Variants in EXOC4 observed in about 807,000 individuals in gnomAD.
EXOC4 encodes exocyst complex component 4.
EXOC4 carries 71 observed loss-of-function variants against 107.2 expected under a neutral mutation model. That is an observed-to-expected ratio of 0.66 (90% CI 0.55 to 0.81). The LOEUF (loss-of-function observed/expected upper bound fraction) is 0.81, where lower values mean the gene tolerates loss of function less well. Ranked by LOEUF, EXOC4 falls within the 30% of genes least tolerant of loss-of-function variation. The pLI is 0.00. For missense variants in EXOC4, 1,108 were observed against 1,189.6 expected (o/e 0.93, Z 1.01); for synonymous variants, 456 against 441.2 (o/e 1.03, Z -0.42).
At position 133,884,627 on chromosome 7, in the gene EXOC4, G is replaced by A. The variant is rs144644412; in HGVS notation, c.1735-10972G>A. Among the ~76,000 whole-genome samples the A allele has an allele frequency of 2.4e-3, 358 of 151,806 alleles. 2 individuals carry two copies. The highest frequency in any genetic ancestry group is 7.9e-3 in the African/African-American group (325 of 41,372). On this transcript the variant is annotated intron_variant, in intron 11 of 17. Coordinates refer to ENST00000253861, the MANE Select transcript of EXOC4 (RefSeq NM_021807.4). ...TGTGTGTGTGTGTGTGTGTGCGCGCGTGTGTGATGGTGCTGGAGATGTGTG... is the reference window on the plus strand; with the variant it reads ...TGTGTGTGTGTGTGTGTGTGCGCGCATGTGTGATGGTGCTGGAGATGTGTG...
chr7:133,919,038 T>C (rs1799875859), intron 13 of EXOC4, among the ~76,000 whole-genome samples: 1 of 152,214 alleles, frequency 6.6e-6, no homozygotes, highest in South Asian at 2.1e-4. Context: ...CTTTTTATTA[T>C]GAAAATTTTC....
rs1176724589 is a variant in EXOC4, at chr7:133,789,324, A to G, written c.1515-28001A>G. On this transcript the variant is annotated intron_variant, in intron 10 of 17. Transcript: ENST00000253861. ...GAGGAAAAGATTACAGCCACACAGA[A>G]GCTCTCCATTTAGTGCGACTTTGCA... is the stretch of plus-strand genomic sequence containing the variant. 3.3e-5 allele frequency among the ~76,000 whole-genome samples: 5 copies of G among 152,180 alleles called. 1 individual carries two copies. Among genetic ancestry groups the G allele is most frequent in the African/African-American group, 1.2e-4 (5 of 41,436 alleles).
At chr7:133,281,305 T>TAAAC (rs1794132785) in intron 2 of EXOC4, among the ~76,000 whole-genome samples, 1 of 133,352 alleles carries the variant, frequency 7.5e-6, no homozygotes, top group Non-Finnish European at 1.6e-5. Context: ...AATAAATAAA[T>TAAAC]AAATAAAAAG....
intron 10 of EXOC4, among the ~76,000 whole-genome samples, chr7:133,669,260 G>A (rs568584773): frequency 1.3e-5 from 2 of 152,132 alleles, no homozygotes; most frequent in East Asian, 2.0e-4. Context: ...AGGAGGAGCC[G>A]CGGGATGTAA....
chr7:133,502,313 A>G (rs556459242), intron 9 of EXOC4, among the ~76,000 whole-genome samples: 1 of 152,302 alleles, frequency 6.6e-6, no homozygotes, highest in South Asian at 2.1e-4. Flanking sequence ...GCTATGCACA[A>G]TATCTGTTGT....
chr7:133,270,523 G>C (rs964369829), intron 1 of EXOC4, among the ~76,000 whole-genome samples: 4 of 152,068 alleles, frequency 2.6e-5, no homozygotes, highest in Non-Finnish European at 5.9e-5. Context: ...AAGAACTATT[G>C]AAAGTCCTTT....
chr7:133,883,488 A>G (rs1249513577), intron 11 of EXOC4, among the ~76,000 whole-genome samples: 6 of 151,726 alleles, frequency 4.0e-5, no homozygotes, highest in African/African-American at 1.5e-4. Context: ...CAAAAAAAAA[A>G]AAAAAATAGC....
At chr7:133,697,954 A>G (rs1043493258) in intron 10 of EXOC4, among the ~76,000 whole-genome samples, 1 of 152,202 alleles carries the variant, frequency 6.6e-6, no homozygotes, top group African/African-American at 2.4e-5. Context: ...GACTCAGAGG[A>G]GGCTGGCTCA....
chr7:133,676,927 C>CTGTGTGTGTGTGTGTG (rs559035446), intron 10 of EXOC4, among the ~76,000 whole-genome samples: 32 of 124,712 alleles, frequency 2.6e-4, no homozygotes, highest in East Asian at 2.0e-3. Context: ...GTAGTAAACT[C>CTGTGTGTGTGTGTGTG]TGTGTGTGTG....
chr7:133,857,200 A>ATT (rs1223401816), intron 11 of EXOC4, among the ~76,000 whole-genome samples: 2 of 26,390 alleles, frequency 7.6e-5, no homozygotes, highest in South Asian at 1.1e-3. Flanking sequence ...ATATATATAT[A>ATT]TTTTACCTCT....
chr7:133,779,402 G>A (rs915335770), intron 10 of EXOC4, among the ~76,000 whole-genome samples: 1 of 152,164 alleles, frequency 6.6e-6, no homozygotes, highest in Non-Finnish European at 1.5e-5. Flanking sequence ...AAAGAATAGG[G>A]TGGAAAGAAG....
At chr7:134,029,565 G>A (rs1481725384) in intron 17 of EXOC4, among the ~76,000 whole-genome samples, 1 of 152,096 alleles carries the variant, frequency 6.6e-6, no homozygotes, top group African/African-American at 2.4e-5. Context: ...TGTCACCCAG[G>A]CTGGAGTGCA....
At chr7:133,258,912 TAGATTA>T (rs1196398207) in intron 1 of EXOC4, among the ~76,000 whole-genome samples, 1 of 152,176 alleles carries the variant, frequency 6.6e-6, no homozygotes, top group African/African-American at 2.4e-5. Context: ...AAACATTTAT[TAGATTA>T]AAAGACTGAA....
At chr7:133,482,174 C>CT (rs928701708) in intron 9 of EXOC4, among the ~76,000 whole-genome samples, 7 of 152,114 alleles carry the variant, frequency 4.6e-5, no homozygotes, top group Admixed American at 4.6e-4. Flanking sequence ...TAATTATTTT[C>CT]TTTCTTAAAA....
chr7:133,785,495 G>C (rs1796549389), intron 10 of EXOC4, among the ~76,000 whole-genome samples: 1 of 152,106 alleles, frequency 6.6e-6, no homozygotes, highest in Non-Finnish European at 1.5e-5. Flanking sequence ...CAAGGAGGAA[G>C]TGAGGTGACT....
chr7:134,052,179 A>G (rs1585354727), intron 17 of EXOC4, among the ~76,000 whole-genome samples: 1 of 152,314 alleles, frequency 6.6e-6, no homozygotes, highest in African/African-American at 2.4e-5. Flanking sequence ...AAGAAATTCA[A>G]CAATGAAAAG....
intron 9 of EXOC4, among the ~76,000 whole-genome samples, chr7:133,575,425 C>G (rs890437754): frequency 2.0e-5 from 3 of 152,090 alleles, no homozygotes; most frequent in Admixed American, 6.6e-5. Flanking sequence ...AGTCCCCCAC[C>G]CAGTTAAAAA....
intron 9 of EXOC4, among the ~76,000 whole-genome samples, chr7:133,558,102 A>C (rs1800729406): frequency 6.6e-6 from 1 of 152,174 alleles, no homozygotes; most frequent in African/African-American, 2.4e-5. Flanking sequence ...CTGCTTTTTT[A>C]TTCCTTGATC....
intron 7 of EXOC4, among the ~76,000 whole-genome samples, chr7:133,448,977 T>C (rs1391401039): frequency 2.0e-5 from 3 of 152,208 alleles, no homozygotes; most frequent in Non-Finnish European, 2.9e-5. Flanking sequence ...TGGTGGCACA[T>C]GCCTGTAATC....
Sources: gnomAD v4.1 joint callset for allele counts (sites outside exome capture counted in the v4.1 genomes callset) on GRCh38, gnomAD v4.1.1 for gene constraint, MANE v1.5 for transcripts, NCBI Gene and HGNC (gene_info 2026-07-23, HGNC 2026-07-21) for gene names.